The following RFTN1 variants were observed in gnomAD, a reference collection of about 807,000 sequenced individuals.
RFTN1 encodes raftlin.
A neutral mutation model predicts 46.5 loss-of-function variants in RFTN1; 26 were observed. That is an observed-to-expected ratio of 0.56 (90% CI 0.41 to 0.78). The LOEUF is 0.78. Ranked by LOEUF, RFTN1 falls within the 30% of genes least tolerant of loss-of-function variation. The pLI is 0.00. For synonymous variants in RFTN1, 261 were observed against 284.2 expected (o/e 0.92, Z 0.82); for missense variants, 693 against 718.7 (o/e 0.96, Z 0.41).
intron 2 of RFTN1, chr3:16,483,000 C>T (rs1284446314): frequency 1.8e-5 from 11 of 611,728 alleles, no homozygotes. Flanking sequence ...TCCACCTTCC[C>T]TCCTCCAGGG....
intron 2 of RFTN1, among the ~76,000 whole-genome samples, chr3:16,490,412 G>C (rs1003972461): frequency 1.2e-4 from 18 of 152,158 alleles, no homozygotes; most frequent in African/African-American, 4.3e-4. Flanking sequence ...GGTCCTAGGC[G>C]GGGGCAGTGG....
At chr3:16,386,595 T>A (rs374692088) in intron 4 of RFTN1, among the ~76,000 whole-genome samples, 10 of 152,290 alleles carry the variant, frequency 6.6e-5, no homozygotes, top group African/African-American at 2.4e-4. Flanking sequence ...TAAGCTGTAC[T>A]GGGAAATACC....
rs1342059733 is a variant in RFTN1, at chr3:16,449,707, T to G, written c.146-15670A>C. ...ACAACTGACTTTGATTTCTCAGTCA[T>G]TTCTGAATGTGAGCCAAAAATGGTC... On this transcript the variant is annotated intron_variant, in intron 2 of 9. Transcript: ENST00000334133. This position sits in a 1 kb window ranked among gnomAD's most constrained non-coding sequence, Gnocchi z 5.1. Among the ~76,000 whole-genome samples the G allele has an allele frequency of 2.6e-5, 4 of 152,238 alleles. No individual in the cohort carries two copies. The highest frequency in any genetic ancestry group is 9.6e-5 in the African/African-American group (4 of 41,470).
intron 2 of RFTN1, among the ~76,000 whole-genome samples, chr3:16,437,203 TAATATTCACTGCATGC>T (rs1307349482): frequency 6.6e-6 from 1 of 152,202 alleles, no homozygotes; most frequent in Non-Finnish European, 1.5e-5. Flanking sequence ...TTCACTTCTG[TAATATTCACTGCATGC>T]AAGGGTGTTG....
Position 16,440,825 on chromosome 3 carries a change from C to A in RFTN1, c.146-6788G>T, listed in dbSNP as rs1269009965. 6.6e-6 allele frequency among the ~76,000 whole-genome samples: 1 copy of A among 152,168 alleles called. No individual in the cohort carries two copies. The highest frequency in any genetic ancestry group is 2.1e-4 in the South Asian group (1 of 4,824). On this transcript the variant is annotated intron_variant, in intron 2 of 9. Transcript: ENST00000334133. This position sits in a 1 kb window ranked among gnomAD's most constrained non-coding sequence, Gnocchi z 4.6. ...CCATATGGCCAAAGTCAAGACCTAGCAGCCTGCAGAGTATGGATGGGGCAT... is the reference window on the plus strand; with the variant it reads ...CCATATGGCCAAAGTCAAGACCTAGAAGCCTGCAGAGTATGGATGGGGCAT...
chr3:16,336,100 G>A lies in RFTN1; in HGVS notation c.1147-9224C>T, dbSNP rs2070822426. 6.6e-6 allele frequency among the ~76,000 whole-genome samples: 1 copy of A among 152,228 alleles called. No homozygotes were observed. The highest frequency in any genetic ancestry group is 2.4e-5 in the African/African-American group (1 of 41,470). On this transcript the variant is annotated intron_variant, in intron 7 of 9. Transcript: ENST00000334133. This position sits in a 1 kb window ranked among gnomAD's most constrained non-coding sequence, Gnocchi z 6.0. ...GAGGCAGGGTGGACAGGAATGCCAA[G>A]ACAGAAAGAAGGGCCACTTCACCTC... is the stretch of plus-strand genomic sequence containing the variant.
In RFTN1 at chr3:16,440,149, C is replaced by T. The variant is rs531363307; in HGVS notation, c.146-6112G>A. ...CAGCCTACTCAGAGTGGGCCGCTGCCGCGAGGGCTGATCACACTTTTTCTC... is the reference window on the plus strand; with the variant it reads ...CAGCCTACTCAGAGTGGGCCGCTGCTGCGAGGGCTGATCACACTTTTTCTC... On this transcript the variant is annotated intron_variant, in intron 2 of 9. Coordinates refer to ENST00000334133, the MANE Select transcript of RFTN1 (RefSeq NM_015150.2). This position sits in a 1 kb window ranked among gnomAD's most constrained non-coding sequence, Gnocchi z 4.6. 2.6e-4 allele frequency among the ~76,000 whole-genome samples: 39 copies of T among 152,286 alleles called. 4 individuals carry two copies. The Middle Eastern group carries it at 0.01, about 40-fold the overall frequency.
chr3:16,454,262 A>G (rs1239001534), intron 2 of RFTN1, among the ~76,000 whole-genome samples: 1 of 152,212 alleles, frequency 6.6e-6, no homozygotes, highest in Non-Finnish European at 1.5e-5. Flanking sequence ...ATTGCCCCAC[A>G]TTGGTCTTAT....
intron 3 of RFTN1, among the ~76,000 whole-genome samples, chr3:16,432,456 T>C (rs1228490946): frequency 6.6e-6 from 1 of 151,938 alleles, no homozygotes; most frequent in African/African-American, 2.4e-5. Flanking sequence ...AGGCAAAGGT[T>C]GCAGTGAGCT....
At chr3:16,501,373 A>G (rs2076707947) in intron 1 of RFTN1, among the ~76,000 whole-genome samples, 1 of 152,264 alleles carries the variant, frequency 6.6e-6, no homozygotes, top group African/African-American at 2.4e-5. Context: ...TTTTTCAGCT[A>G]TAACGTAGAA....
rs59361382 is a variant in RFTN1, at chr3:16,448,014, C to T, written c.146-13977G>A. On this transcript the variant is annotated intron_variant, in intron 2 of 9. Coordinates refer to ENST00000334133, the MANE Select transcript of RFTN1 (RefSeq NM_015150.2). The surrounding 1 kb of genome is among the most constrained non-coding windows in gnomAD (Gnocchi z 4.1). ...TTTTTCTTTTCTTCCTCCCTTCCATCCAGGGAGCCACCAGCCACATGTGGC... is the reference window on the plus strand; with the variant it reads ...TTTTTCTTTTCTTCCTCCCTTCCATTCAGGGAGCCACCAGCCACATGTGGC... 5.3e-3 allele frequency among the ~76,000 whole-genome samples: 801 copies of T among 151,912 alleles called. 9 individuals are homozygous for T. The highest frequency in any genetic ancestry group is 0.018 in the African/African-American group (755 of 41,436).
Position 16,422,780 on chromosome 3 carries a change from C to T in RFTN1, c.332+11071G>A, listed in dbSNP as rs2075212535. Among the ~76,000 whole-genome samples, 1 of 152,026 alleles carries T rather than the reference C, an allele frequency of 6.6e-6. No homozygotes were observed. The highest frequency in any genetic ancestry group is 2.4e-5 in the African/African-American group (1 of 41,378). The stretch of plus-strand genomic sequence containing the variant: ...AGATTGGGATGTACATATAGAAATC[C>T]TAACTATAATAAAGGTGGCATTTAT... On this transcript the variant is annotated intron_variant, in intron 3 of 9. Transcript: ENST00000334133. The surrounding 1 kb of genome is among the most constrained non-coding windows in gnomAD (Gnocchi z 4.6).
At position 16,400,592 on chromosome 3, in the gene RFTN1, C is replaced by A. The variant is rs2074576572; in HGVS notation, c.441+8783G>T. On this transcript the variant is annotated intron_variant, in intron 4 of 9. Transcript: ENST00000334133. This position sits in a 1 kb window ranked among gnomAD's most constrained non-coding sequence, Gnocchi z 4.5. Reference sequence around the variant, plus strand: ...CAAAGAAATGTGAACGAAACCTGACCCACTGATGCTGGACAGTAGATTCCC... The same window carrying A: ...CAAAGAAATGTGAACGAAACCTGACACACTGATGCTGGACAGTAGATTCCC... Among the ~76,000 whole-genome samples the A allele has an allele frequency of 6.6e-6, 1 of 152,206 alleles. No homozygotes were observed. Among genetic ancestry groups the A allele is most frequent in the South Asian group, 2.1e-4 (1 of 4,832 alleles).
intron 7 of RFTN1, among the ~76,000 whole-genome samples, chr3:16,333,857 A>C (rs893772772): frequency 6.6e-6 from 1 of 152,216 alleles, no homozygotes; most frequent in African/African-American, 2.4e-5. Flanking sequence ...GCAGAATCTC[A>C]TAAGAAAAAT....
chr3:16,419,791 C>A (rs978694565), intron 3 of RFTN1, among the ~76,000 whole-genome samples: 1 of 152,196 alleles, frequency 6.6e-6, no homozygotes, highest in East Asian at 1.9e-4. Flanking sequence ...GGAAGCACAA[C>A]GAAGGAGAAG....
intron 2 of RFTN1, among the ~76,000 whole-genome samples, chr3:16,477,791 A>C (rs2076306160): frequency 6.6e-6 from 1 of 152,228 alleles, no homozygotes; most frequent in Admixed American, 6.5e-5. Flanking sequence ...AATGTCACAA[A>C]TCTTGACTTT....
intron 7 of RFTN1, among the ~76,000 whole-genome samples, chr3:16,343,596 G>C (rs1051034457): frequency 6.6e-6 from 1 of 152,234 alleles, no homozygotes; most frequent in Non-Finnish European, 1.5e-5. Flanking sequence ...AAGTCAGCCA[G>C]CACTGGACTG....
rs1204358183 is a variant in RFTN1, at chr3:16,475,436, A to G, written c.145+18289T>C. Reference sequence around the variant, plus strand: ...GACACTGCAATGGTTTTACTGAACTAGAAGTTGAGATTGCCCCTTGGCTAT... The same window carrying G: ...GACACTGCAATGGTTTTACTGAACTGGAAGTTGAGATTGCCCCTTGGCTAT... On this transcript the variant is annotated intron_variant, in intron 2 of 9. Coordinates refer to ENST00000334133, the MANE Select transcript of RFTN1 (RefSeq NM_015150.2). This position sits in a 1 kb window ranked among gnomAD's most constrained non-coding sequence, Gnocchi z 4.2. Among the ~76,000 whole-genome samples the G allele has an allele frequency of 5.3e-5, 8 of 152,216 alleles. No homozygotes were observed. The highest frequency in any genetic ancestry group is 5.2e-4 in the Admixed American group (8 of 15,282).
chr3:16,430,383 A>C (rs113487620), intron 3 of RFTN1, among the ~76,000 whole-genome samples: 1 of 152,150 alleles, frequency 6.6e-6, no homozygotes, highest in Non-Finnish European at 1.5e-5. Context: ...AAGTGCTGGG[A>C]TTATAGGTGT....
Sources: allele counts gnomAD v4.1 joint callset (sites outside exome capture counted in the v4.1 genomes callset), GRCh38; gene constraint gnomAD v4.1.1; non-coding constraint Gnocchi (gnomAD v3.1); transcripts MANE v1.5; gene names NCBI Gene and HGNC (gene_info 2026-07-23, HGNC 2026-07-21).